Variants in RHOT1 observed in about 807,000 individuals in gnomAD.
RHOT1 encodes ras homolog family member T1, also known as mitochondrial Rho GTPase 1.
Under a neutral mutation model 95.3 loss-of-function variants are expected in RHOT1, and 27 were observed. The observed-to-expected ratio is 0.28, with a 90% CI of 0.21 to 0.39. The LOEUF (loss-of-function observed/expected upper bound fraction) is 0.39, where lower values mean the gene tolerates loss of function less well. RHOT1 is among the 10% of genes least tolerant of loss of function. The pLI, the probability that RHOT1 is intolerant of heterozygous loss-of-function variation, is 1.00. For synonymous variants in RHOT1, 227 were observed against 263.5 expected, an observed-to-expected ratio of 0.86 and a Z score of 1.34; for missense variants, 578 against 786.7, an observed-to-expected ratio of 0.73 and a Z score of 3.17.
At chr17:32,192,423 A>G (rs1297406277) in intron 9 of RHOT1, 124 bp downstream of exon 9, 2 of 649,980 alleles carry the variant, frequency 3.1e-6, no homozygotes, top group African/African-American at 1.9e-5. Context: ...TTTCTTTCTC[A>G]TAAAACTATC....
chr17:32,219,265 T>C (rs118170159), intron 19 of RHOT1, among the ~76,000 whole-genome samples: 2,729 of 152,250 alleles, frequency 0.018, 37 homozygotes, highest in Non-Finnish European at 0.026. Context: ...CATAATAGCT[T>C]ACAGTCTAAG....
intron 1 of RHOT1, among the ~76,000 whole-genome samples, chr17:32,144,330 TTGAGG>T (rs2030949495): frequency 6.6e-6 from 1 of 151,890 alleles, no homozygotes. Context: ...GGCAGATCAC[TTGAGG>T]TCAGGAGTTC....
At chr17:32,171,193 T>C (rs1567673777) in intron 2 of RHOT1, 92 bp downstream of exon 2, 3 of 867,720 alleles carry the variant, frequency 3.5e-6, no homozygotes, top group African/African-American at 1.7e-5. Context: ...GCATGTGTTA[T>C]GTGCTTCCTT....
chr17:32,208,248 A>G lies in RHOT1; in HGVS notation c.1678A>G (p.Asn560Asp). Residue 560 changes from asparagine to aspartate, a missense_variant, in exon 18 of 20, where the codon AAT becomes GAT. Asn to Asp is a conservative substitution (Grantham distance 23). Around this residue, in one of 4 missense-constraint regions of RHOT1, gnomAD observed 296 missense variants for 338.5 expected, o/e 0.87. Coordinates refer to ENST00000545287, the MANE Select transcript of RHOT1 (RefSeq NM_001033566.3). ...GCCTCCACCACAAGCCTTCACTTGC[A>G]ATACTGCTGATGCCCCCAGTAAGGA... Reference protein sequence around the residue: ...KMPPPQAFTCNTADAPSKDIF... With the variant: ...KMPPPQAFTCDTADAPSKDIF... The G allele has an allele frequency of 6.2e-7, 1 of 1,614,106 alleles. No individual in the cohort carries two copies. The highest frequency in any genetic ancestry group is 8.5e-7 in the Non-Finnish European group (1 of 1,179,966).
intron 18 of RHOT1, 63 bp downstream of exon 18, chr17:32,208,372 C>T (rs2037901963): frequency 7.2e-7 from 1 of 1,391,468 alleles, no homozygotes; most frequent in Non-Finnish European, 1.0e-6. Context: ...CCATTATTAG[C>T]CATGAAGGGA....
At chr17:32,210,257 G>C (rs1015016273) in intron 18 of RHOT1, among the ~76,000 whole-genome samples, 2 of 152,152 alleles carry the variant, frequency 1.3e-5, no homozygotes, top group Admixed American at 6.5e-5. Context: ...GGCTTTGTAT[G>C]AATGAGTGGC....
chr17:32,217,539 G>A lies in RHOT1; in HGVS notation c.1862+6301G>A, dbSNP rs181599599. Among the ~76,000 whole-genome samples the A allele has an allele frequency of 1.4e-3, 214 of 152,022 alleles. 2 individuals are homozygous for A. The highest frequency in any genetic ancestry group is 4.8e-3 in the African/African-American group (201 of 41,488). ...TGGGAGGCCGAGGAGGGCAGATCACGAGGTCAAGAGATTGAGACCATCCTG... is the reference window on the plus strand; with the variant it reads ...TGGGAGGCCGAGGAGGGCAGATCACAAGGTCAAGAGATTGAGACCATCCTG... On this transcript the variant is annotated intron_variant, in intron 19 of 19. Transcript: ENST00000545287.
chr17:32,209,259 C>T (rs534349806), intron 18 of RHOT1: 22 of 580,858 alleles, frequency 3.8e-5, no homozygotes, highest in Middle Eastern at 2.7e-4. Context: ...TATTTGTATT[C>T]GAAGACAAGT....
chr17:32,202,726 A>T (rs371932986), intron 14 of RHOT1, 44 bp from the exon 15 acceptor site: 1 of 1,425,912 alleles, frequency 7.0e-7, no homozygotes, highest in African/African-American at 1.4e-5. Context: ...AGTGAATCTA[A>T]GTGGTACATA....
At chr17:32,147,075 C>T (rs2031471468) in intron 1 of RHOT1, among the ~76,000 whole-genome samples, 1 of 150,262 alleles carries the variant, frequency 6.7e-6, no homozygotes, top group Non-Finnish European at 1.5e-5. Flanking sequence ...GGCAGAGTCT[C>T]ACCCTGTCAC....
At chr17:32,170,906 A>T in intron 1 of RHOT1, 137 bp from the exon 2 acceptor site, 1 of 506,754 alleles carries the variant, frequency 2.0e-6, no homozygotes, top group Non-Finnish European at 3.6e-6. Flanking sequence ...ATATACTTTT[A>T]AGTATTATAC....
Position 32,205,675 on chromosome 17 carries a change from C to T in RHOT1, c.1417-1235C>T, listed in dbSNP as rs186600989. Among the ~76,000 whole-genome samples, 3 of 152,302 alleles carry T rather than the reference C, an allele frequency of 2.0e-5. No homozygotes were observed. In the East Asian group the frequency reaches 5.8e-4, roughly 29 times the overall value. On this transcript the variant is annotated intron_variant, in intron 16 of 19. Transcript: ENST00000545287. ...GTTATATGGGCCAGGTGTGGTGGCT[C>T]ATGCCTCTAATCCCAGCACTTTGGG...
chr17:32,160,375 C>T (rs2142437883), intron 1 of RHOT1: 1 of 152,368 alleles, frequency 6.6e-6, no homozygotes, highest in Non-Finnish European at 1.5e-5. Flanking sequence ...CTTGCTCAGC[C>T]TCCACTTGTC....
At chr17:32,214,451 T>C (rs1326558638) in intron 19 of RHOT1, among the ~76,000 whole-genome samples, 1 of 152,186 alleles carries the variant, frequency 6.6e-6, no homozygotes, top group Non-Finnish European at 1.5e-5. Context: ...GAACAAAGCA[T>C]GTTTATAGTC....
chr17:32,223,284 CT>C (rs771657074), intron 19 of RHOT1, among the ~76,000 whole-genome samples: 2 of 152,034 alleles, frequency 1.3e-5, no homozygotes, highest in African/African-American at 2.4e-5. Context: ...GCTCTTAACT[CT>C]TTTGCATATG....
At position 32,183,199 on chromosome 17, in the gene RHOT1, C is replaced by T; in HGVS notation, c.467C>T (p.Ser156Leu). The change falls in exon 8 of 20, where the codon TCA becomes TTA. Residue 156 changes from serine to leucine, a missense_variant. By Grantham distance (145) the Ser-to-Leu change is moderately radical (BLOSUM62 -2). Around this residue, in one of 4 missense-constraint regions of RHOT1, gnomAD observed 227 missense variants for 316.0 expected, o/e 0.72. Coordinates refer to ENST00000545287, the MANE Select transcript of RHOT1 (RefSeq NM_001033566.3). Reference sequence around the variant, plus strand: ...TCAGCGAAAAACCTGAAGAACATATCAGAGCTCTTTTATTACGCACAGAAA... The same window carrying T: ...TCAGCGAAAAACCTGAAGAACATATTAGAGCTCTTTTATTACGCACAGAAA... ...ECSAKNLKNI[S>L]ELFYYAQKAV... 1 of 1,575,870 alleles carries T rather than the reference C, an allele frequency of 6.3e-7. No homozygotes were observed. The highest frequency in any genetic ancestry group is 1.2e-5 in the South Asian group (1 of 84,876).
At chr17:32,148,720 A>T (rs1200531209) in intron 1 of RHOT1, among the ~76,000 whole-genome samples, 2 of 152,256 alleles carry the variant, frequency 1.3e-5, no homozygotes, top group African/African-American at 4.8e-5. Context: ...CTTCTTACTA[A>T]AGAAACATAA....
At chr17:32,160,280 G>T (rs987806633) in intron 1 of RHOT1, 1 of 152,186 alleles carries the variant, frequency 6.6e-6, no homozygotes, top group African/African-American at 2.4e-5. Flanking sequence ...CTGAACACTT[G>T]TTGGGACACC....
intron 1 of RHOT1, among the ~76,000 whole-genome samples, chr17:32,158,648 C>T (rs557000161): frequency 9.1e-4 from 138 of 152,016 alleles, no homozygotes; most frequent in African/African-American, 3.0e-3. Flanking sequence ...TTAGTAGAGA[C>T]GGGGTTTCAC....
Sources: allele counts gnomAD v4.1 joint callset (sites outside exome capture counted in the v4.1 genomes callset), GRCh38; gene constraint gnomAD v4.1.1; regional missense constraint gnomAD v4.1.1; transcripts MANE v1.5; gene names NCBI Gene and HGNC (gene_info 2026-07-23, HGNC 2026-07-21).